Variants in ZNF385C observed in about 807,000 individuals in gnomAD.
The protein encoded by ZNF385C is CTD-2132N18.2.
In ZNF385C, 28 loss-of-function variants were observed where a neutral mutation model predicts 35.4. That is an observed-to-expected ratio of 0.79 (90% confidence interval 0.59 to 1.08). ZNF385C has a LOEUF of 1.08. ZNF385C is among the 50% of genes least tolerant of loss of function. The probability of loss-of-function intolerance (pLI) is 0.00; values close to 1 mark genes in which losing one functional copy is unlikely to be tolerated. For synonymous variants in ZNF385C, 248 were observed against 248.2 expected (o/e 1.00, Z 0.01); for missense variants, 605 against 595.6 (o/e 1.02, Z -0.16).
chr17:42,068,647 G>A (rs1555658594), intron 1 of ZNF385C, among the ~76,000 whole-genome samples: 1 of 152,206 alleles, frequency 6.6e-6, no homozygotes, highest in African/African-American at 2.4e-5. Flanking sequence ...GTGCCACCAT[G>A]CCCAAACAGG....
At chr17:42,093,407 T>A (rs1367026462) in intron 1 of ZNF385C, among the ~76,000 whole-genome samples, 1 of 152,030 alleles carries the variant, frequency 6.6e-6, no homozygotes, top group Non-Finnish European at 1.5e-5. Flanking sequence ...CTCTATCCCT[T>A]ATCTCCCAGA....
chr17:42,047,798 C>T (rs942569866), intron 2 of ZNF385C, among the ~76,000 whole-genome samples: 6 of 151,782 alleles, frequency 4.0e-5, no homozygotes, highest in African/African-American at 7.3e-5. Flanking sequence ...GGATTACAGG[C>T]GCGCACCACC....
At chr17:42,041,446 G>A (rs782661095) in intron 2 of ZNF385C, among the ~76,000 whole-genome samples, 1 of 152,076 alleles carries the variant, frequency 6.6e-6, no homozygotes, top group East Asian at 1.9e-4. Context: ...CACCACACCC[G>A]GTCTAGTTTT....
chr17:42,068,176 C>T (rs1053493186), intron 1 of ZNF385C, among the ~76,000 whole-genome samples: 3 of 152,100 alleles, frequency 2.0e-5, no homozygotes, highest in African/African-American at 7.2e-5. Context: ...TGGGCAGTGA[C>T]GGGGGCACAC....
chr17:42,070,441 C>G (rs944026938), intron 1 of ZNF385C, among the ~76,000 whole-genome samples: 8 of 152,168 alleles, frequency 5.3e-5, no homozygotes, highest in Admixed American at 6.5e-5. Flanking sequence ...GCCGCTACTG[C>G]TAAGGTGGAA....
At chr17:42,054,272 C>T (rs1211471601) in intron 2 of ZNF385C, among the ~76,000 whole-genome samples, 1 of 152,216 alleles carries the variant, frequency 6.6e-6, no homozygotes, top group Non-Finnish European at 1.5e-5. Context: ...AGCTGCTGGT[C>T]CTGCTCTGCC....
At chr17:42,097,143 C>G (rs902589906) in intron 1 of ZNF385C, among the ~76,000 whole-genome samples, 1 of 152,108 alleles carries the variant, frequency 6.6e-6, no homozygotes, top group Non-Finnish European at 1.5e-5. Context: ...TCATTTAACC[C>G]TTGCAGCCAC....
At chr17:42,051,264 C>T (rs2053277875) in intron 2 of ZNF385C, among the ~76,000 whole-genome samples, 1 of 151,856 alleles carries the variant, frequency 6.6e-6, no homozygotes, top group Non-Finnish European at 1.5e-5. Context: ...TTGTTTTAGC[C>T]TAGTGAGTTA....
intron 1 of ZNF385C, among the ~76,000 whole-genome samples, chr17:42,079,382 CAA>C (rs571676432): frequency 0.25 from 18,771 of 73,618 alleles, 1,155 homozygotes; most frequent in Middle Eastern, 0.34. Context: ...GACTCTGTCT[CAA>C]AAAAAAAAAA....
chr17:42,037,864 G>C lies in ZNF385C; in HGVS notation c.272C>G (p.Pro91Arg). ...SGPAGPASGA[P>R]SPLLASLPLP... The stretch of plus-strand genomic sequence containing the variant: ...GGGCAGGGAGGCCAGCAGGGGGCTG[G>C]GGGCGCCGGAGGCCGGGCCTGCTGC... The change falls in exon 3 of 9, where the codon CCC (proline) becomes CGC (arginine). Residue 91 changes from proline (P) to arginine (R), a missense_variant. By Grantham distance (103) the Pro-to-Arg change is moderately radical. Transcript: ENST00000692273. 1 of 1,522,110 alleles carries C rather than the reference G, an allele frequency of 6.6e-7. No individual in the cohort carries two copies. Among genetic ancestry groups the C allele is most frequent in the Non-Finnish European group, 8.8e-7 (1 of 1,131,982 alleles). The allele number at this position is 1,522,110 out of a possible 1,614,324, so 94.3% of individuals were successfully genotyped here.
At chr17:42,043,639 T>C in intron 2 of ZNF385C, 1 of 315,570 alleles carries the variant, frequency 3.2e-6, no homozygotes. Context: ...GTGGTAGGCT[T>C]CATGCTGCCC....
At position 42,062,601 on chromosome 17, in the gene ZNF385C, C is replaced by T. The variant is rs1039161063; in HGVS notation, c.250+206G>A. 26 of 395,506 alleles carry T rather than the reference C, an allele frequency of 6.6e-5. No individual in the cohort carries two copies. The East Asian group carries it at 8.6e-4, about 13-fold the overall frequency. The allele number at this position is 395,506 out of a possible 1,614,324, so 24.5% of individuals were successfully genotyped here. On this transcript the variant is annotated intron_variant, in intron 2 of 8. Coordinates refer to ENST00000692273, the MANE Select transcript of ZNF385C (RefSeq NM_001392013.1). ...AGGCGGCCTAAGGACCCACAGATTC[C>T]GAGAGGTCCTACAGAAGGGTTGTCC... is the stretch of plus-strand genomic sequence containing the variant.
In ZNF385C at chr17:42,052,260, C is replaced by T. The variant is rs555344409; in HGVS notation, c.250+10547G>A. Reference sequence around the variant, plus strand: ...GAGCAGAAATCTTATGAAATAACATCACCCTGGCTGCCACCAAGGGAGAAG... The same window carrying T: ...GAGCAGAAATCTTATGAAATAACATTACCCTGGCTGCCACCAAGGGAGAAG... On this transcript the variant is annotated intron_variant, in intron 2 of 8. Coordinates refer to ENST00000692273, the MANE Select transcript of ZNF385C (RefSeq NM_001392013.1). Among the ~76,000 whole-genome samples, 7 of 152,300 alleles carry T rather than the reference C, an allele frequency of 4.6e-5. No individual in the cohort carries two copies. The South Asian group carries it at 1.4e-3, about 32-fold the overall frequency.
chr17:42,031,864 G>A (rs934480355), intron 4 of ZNF385C, 80 bp from the exon 5 acceptor site: 1 of 1,491,720 alleles, frequency 6.7e-7, no homozygotes, highest in Non-Finnish European at 9.0e-7. Context: ...CCAGCAGGGG[G>A]ACAGGTCAAA....
At chr17:42,066,807 GCCTGTAAT>G (rs1185954477) in intron 1 of ZNF385C, among the ~76,000 whole-genome samples, 1 of 152,096 alleles carries the variant, frequency 6.6e-6, no homozygotes, top group Non-Finnish European at 1.5e-5. Flanking sequence ...AGTGGCTCAC[GCCTGTAAT>G]CCCAGCACTT....
chr17:42,054,352 C>T (rs1555657372), intron 2 of ZNF385C, among the ~76,000 whole-genome samples: 1 of 152,232 alleles, frequency 6.6e-6, no homozygotes, highest in Non-Finnish European at 1.5e-5. Flanking sequence ...CCTGCCCAGC[C>T]TCACTCATCC....
At chr17:42,041,094 C>T (rs372478592) in intron 2 of ZNF385C, 48 of 1,232,180 alleles carry the variant, frequency 3.9e-5, no homozygotes, top group East Asian at 3.2e-4. Flanking sequence ...TGTGTGACTC[C>T]GGCCAGTCTC....
chr17:42,065,471 C>T (rs1446588736), intron 1 of ZNF385C: 2 of 152,172 alleles, frequency 1.3e-5, no homozygotes, highest in Non-Finnish European at 2.9e-5. Flanking sequence ...ACTATACATC[C>T]AACAGTGGAG....
intron 1 of ZNF385C, among the ~76,000 whole-genome samples, chr17:42,085,197 C>A (rs1410572458): frequency 6.6e-6 from 1 of 152,036 alleles, no homozygotes; most frequent in Non-Finnish European, 1.5e-5. Context: ...TTTGGGAAGC[C>A]AAGGCAGAAG....
Sources: allele counts gnomAD v4.1 joint callset (sites outside exome capture counted in the v4.1 genomes callset), GRCh38; gene constraint gnomAD v4.1.1; transcripts MANE v1.5; gene names NCBI Gene and HGNC (gene_info 2026-07-23, HGNC 2026-07-21).